GRXCR1: variants seen among roughly 807,000 people sequenced by gnomAD.
The protein encoded by GRXCR1 is glutaredoxin domain-containing cysteine-rich protein 1.
GRXCR1 carries 27 observed loss-of-function variants against 27.3 expected under a neutral mutation model. The observed-to-expected ratio is 0.99, with a 90% CI of 0.73 to 1.37. The LOEUF (loss-of-function observed/expected upper bound fraction) is 1.37. Ranked by LOEUF, GRXCR1 falls within the 40% of genes most tolerant of loss-of-function variation. The pLI, the probability that GRXCR1 is intolerant of heterozygous loss-of-function variation, is 0.00. For synonymous variants in GRXCR1, 122 were observed against 131.1 expected (o/e 0.93, Z 0.47); for missense variants, 379 against 354.4 (o/e 1.07, Z -0.56).
intron 2 of GRXCR1, among the ~76,000 whole-genome samples, chr4:43,004,101 C>G (rs987154670): frequency 6.6e-6 from 1 of 152,314 alleles, no homozygotes; most frequent in Admixed American, 6.5e-5. Flanking sequence ...GGACATGGCA[C>G]CCTGCATCCC....
intron 2 of GRXCR1, among the ~76,000 whole-genome samples, chr4:43,016,681 G>A (rs1346646253): frequency 6.6e-6 from 1 of 151,700 alleles, no homozygotes; most frequent in Non-Finnish European, 1.5e-5. Flanking sequence ...TTTGCTTATT[G>A]TATAGCTTTA....
chr4:42,952,961 G>C (rs1455695959), intron 1 of GRXCR1, among the ~76,000 whole-genome samples: 1 of 152,122 alleles, frequency 6.6e-6, no homozygotes, highest in Non-Finnish European at 1.5e-5. Flanking sequence ...AATATTGAAA[G>C]CATAGAGAAT....
chr4:43,015,055 G>A lies in GRXCR1; in HGVS notation c.628-5299G>A, dbSNP rs543344339. Among the ~76,000 whole-genome samples, 8 of 152,254 alleles carry A rather than the reference G, an allele frequency of 5.3e-5. No individual in the cohort carries two copies. The East Asian group carries it at 1.4e-3, about 26-fold the overall frequency. On this transcript the variant is annotated intron_variant, in intron 2 of 3. Coordinates refer to ENST00000399770, the MANE Select transcript of GRXCR1 (RefSeq NM_001080476.3). The stretch of plus-strand genomic sequence containing the variant: ...AGGATGCATACGAGTTTCCCAAGAG[G>A]TGGTGGAAGAAAGATAGAAGAAATA...
chr4:43,021,023 TA>T (rs1713076846), intron 3 of GRXCR1, among the ~76,000 whole-genome samples: 2 of 152,284 alleles, frequency 1.3e-5, no homozygotes, highest in South Asian at 4.1e-4. Context: ...ACTTTGAGAG[TA>T]AAAAGTATGC....
intron 3 of GRXCR1, among the ~76,000 whole-genome samples, chr4:43,026,049 C>G (rs1240820804): frequency 7.6e-6 from 1 of 132,232 alleles, no homozygotes; most frequent in Non-Finnish European, 1.6e-5. Context: ...TGTTTTGTTA[C>G]TAGTTGTAAT....
At position 42,987,248 on chromosome 4, in the gene GRXCR1, A is replaced by ATATAATATATAAT. The variant is rs370379241; in HGVS notation, c.627+24114_627+24115insTATAATATATAAT. Among the ~76,000 whole-genome samples, 10 of 67,532 alleles carry ATATAATATATAAT rather than the reference A, an allele frequency of 1.5e-4. No homozygotes were observed. The East Asian group carries it at 1.6e-3, about 11-fold the overall frequency. 44.3% of individuals were successfully genotyped at this position (67,532 alleles called of 152,430 possible). A position where few individuals can be genotyped will look rare whatever the true frequency, so the allele number is the denominator to read the frequency against. ...TATATATTATATATATATAATATAT[A>ATATAATATATAAT]ATATATATATATAATATATATATAT... is the stretch of plus-strand genomic sequence containing the variant. On this transcript the variant is annotated intron_variant, in intron 2 of 3. Coordinates refer to ENST00000399770, the MANE Select transcript of GRXCR1 (RefSeq NM_001080476.3).
At chr4:42,931,477 C>A (rs1577910180) in intron 1 of GRXCR1, among the ~76,000 whole-genome samples, 4 of 151,902 alleles carry the variant, frequency 2.6e-5, no homozygotes, top group African/African-American at 9.6e-5. Context: ...TAAAATGTAA[C>A]CTTGTGATAG....
At chr4:42,991,569 G>C (rs1577935537) in intron 2 of GRXCR1, among the ~76,000 whole-genome samples, 2 of 152,116 alleles carry the variant, frequency 1.3e-5, no homozygotes, top group African/African-American at 4.8e-5. Context: ...TGAGGTAGTT[G>C]CAACAATAAA....
chr4:43,006,542 C>T (rs902722156), intron 2 of GRXCR1, among the ~76,000 whole-genome samples: 6 of 152,134 alleles, frequency 3.9e-5, no homozygotes, highest in African/African-American at 1.2e-4. Flanking sequence ...CCATAGCACT[C>T]CCAGGCTTAT....
At chr4:42,910,127 G>C (rs73240014) in intron 1 of GRXCR1, among the ~76,000 whole-genome samples, 31,539 of 152,000 alleles carry the variant, frequency 0.21, 3,339 homozygotes, top group South Asian at 0.32. Context: ...GAAGGAGGAA[G>C]TTGCCAAACA....
intron 1 of GRXCR1, among the ~76,000 whole-genome samples, chr4:42,902,534 T>C (rs187172355): frequency 0.029 from 4,444 of 152,126 alleles, 112 homozygotes; most frequent in Non-Finnish European, 0.034. Flanking sequence ...CTATCATTGA[T>C]GGCATTTAGA....
At chr4:43,028,203 C>T (rs528526094) in intron 3 of GRXCR1, among the ~76,000 whole-genome samples, 1 of 152,132 alleles carries the variant, frequency 6.6e-6, no homozygotes, top group African/African-American at 2.4e-5. Flanking sequence ...TCTATGTCAA[C>T]TCTAACCTAT....
At chr4:42,977,031 T>G (rs1465783965) in intron 2 of GRXCR1, among the ~76,000 whole-genome samples, 1 of 152,038 alleles carries the variant, frequency 6.6e-6, no homozygotes, top group African/African-American at 2.4e-5. Flanking sequence ...TAAGTTCAAC[T>G]TTTTTAGATT....
chr4:42,897,275 T>G (rs1329232323), intron 1 of GRXCR1, among the ~76,000 whole-genome samples: 1 of 152,050 alleles, frequency 6.6e-6, no homozygotes, highest in Non-Finnish European at 1.5e-5. Flanking sequence ...TGATAATTTA[T>G]TCTTATGAGA....
intron 1 of GRXCR1, among the ~76,000 whole-genome samples, chr4:42,960,058 T>A (rs572410227): frequency 1.3e-5 from 2 of 152,064 alleles, no homozygotes; most frequent in Non-Finnish European, 2.9e-5. Context: ...TATTAGTATT[T>A]TGAAAATGCA....
chr4:42,975,391 G>A (rs1270713442), intron 2 of GRXCR1, among the ~76,000 whole-genome samples: 2 of 152,098 alleles, frequency 1.3e-5, no homozygotes, highest in African/African-American at 4.8e-5. Flanking sequence ...GATTTAGCAG[G>A]AATTAGTGCC....
At chr4:42,901,216 C>T (rs898003767) in intron 1 of GRXCR1, among the ~76,000 whole-genome samples, 3 of 152,188 alleles carry the variant, frequency 2.0e-5, no homozygotes, top group Admixed American at 6.5e-5. Context: ...AATTACTACT[C>T]ACCCGGTGTA....
At chr4:43,024,923 T>C (rs547130650) in intron 3 of GRXCR1, among the ~76,000 whole-genome samples, 2 of 152,304 alleles carry the variant, frequency 1.3e-5, no homozygotes, top group Non-Finnish European at 2.9e-5. Context: ...TGTATTGTCA[T>C]AGAGGGTCAA....
At chr4:42,896,413 T>C (rs1454540046) in intron 1 of GRXCR1, among the ~76,000 whole-genome samples, 2 of 147,082 alleles carry the variant, frequency 1.4e-5, no homozygotes, top group Non-Finnish European at 3.1e-5. Flanking sequence ...TTGTTAAAGG[T>C]AGTGATGAAC....
Sources: gnomAD v4.1 joint callset for allele counts (sites outside exome capture counted in the v4.1 genomes callset) on GRCh38, gnomAD v4.1.1 for gene constraint, MANE v1.5 for transcripts, NCBI Gene and HGNC (gene_info 2026-07-23, HGNC 2026-07-21) for gene names.